BANF2: variants seen among roughly 807,000 people sequenced by gnomAD.
BANF2 encodes BANF family member 2.
BANF2 carries 4 observed loss-of-function variants against 8.0 expected under a neutral mutation model. That is an observed-to-expected ratio of 0.50 (90% CI 0.25 to 1.14). The LOEUF (loss-of-function observed/expected upper bound fraction) is 1.14. Among genes scored for constraint, BANF2 ranks in the 50% most tolerant of loss-of-function variants. BANF2 has a pLI of 0.16. For synonymous variants in BANF2, 50 were observed against 40.6 expected (o/e 1.23, Z -0.88); for missense variants, 96 against 107.5 (o/e 0.89, Z 0.47).
At chr20:17,724,885 G>C in intron 2 of BANF2, 138 bp from the exon 3 acceptor site, 1 of 883,766 alleles carries the variant, frequency 1.1e-6, no homozygotes, top group Non-Finnish European at 1.7e-6. Flanking sequence ...TAGACCCCGG[G>C]AAATGCTGGA....
intron 1 of BANF2, among the ~76,000 whole-genome samples, chr20:17,720,273 T>C (rs977841687): frequency 6.6e-6 from 1 of 152,252 alleles, no homozygotes; most frequent in African/African-American, 2.4e-5. Flanking sequence ...CTCAAAGAGA[T>C]ATTTGTGTAC....
intron 3 of BANF2, among the ~76,000 whole-genome samples, chr20:17,726,516 ATTC>A (rs1292220485): frequency 6.6e-6 from 1 of 152,178 alleles, no homozygotes; most frequent in Non-Finnish European, 1.5e-5. Flanking sequence ...AAAAGAAATC[ATTC>A]TTCTTTTTAC....
rs527652102 is a variant in BANF2, at chr20:17,714,440, T to C, written c.-166-8276T>C. ...GAAATAGTCCTGGCTAGAACCACTATCAGACAAGTATGTCCAGCCTAGATG... is the reference window on the plus strand; with the variant it reads ...GAAATAGTCCTGGCTAGAACCACTACCAGACAAGTATGTCCAGCCTAGATG... On this transcript the variant is annotated intron_variant, in intron 1 of 3. Transcript: ENST00000246090. Among the ~76,000 whole-genome samples the C allele has an allele frequency of 2.0e-5, 3 of 152,290 alleles. 1 individual carries two copies. In the East Asian group the frequency reaches 5.8e-4, roughly 29 times the overall value.
chr20:17,707,738 C>A (rs2037504319), intron 1 of BANF2, among the ~76,000 whole-genome samples: 1 of 151,902 alleles, frequency 6.6e-6, no homozygotes, highest in Non-Finnish European at 1.5e-5. Context: ...TGCCACCACA[C>A]CCGGCTAATT....
chr20:17,700,091 G>A (rs1262343011), intron 1 of BANF2, 36 bp downstream of exon 1: 1 of 838,736 alleles, frequency 1.2e-6, no homozygotes, highest in East Asian at 1.2e-4. Context: ...AGCATGGAAG[G>A]AGATACAGCC....
intron 1 of BANF2, among the ~76,000 whole-genome samples, chr20:17,713,487 T>G (rs2037606618): frequency 6.6e-6 from 1 of 152,140 alleles, no homozygotes; most frequent in African/African-American, 2.4e-5. Flanking sequence ...TTCTGAAGAT[T>G]GGCCCAACAA....
chr20:17,696,806 T>C (rs980817035), upstream of BANF2, among the ~76,000 whole-genome samples: 4 of 152,194 alleles, frequency 2.6e-5, no homozygotes, highest in Admixed American at 6.5e-5. Flanking sequence ...CAAGCCGCGA[T>C]TGGATCTTTT....
intron 3 of BANF2, among the ~76,000 whole-genome samples, chr20:17,725,837 C>T (rs2328215): frequency 1.3e-5 from 2 of 152,188 alleles, no homozygotes; most frequent in African/African-American, 2.4e-5. Context: ...AGCTGTTGCT[C>T]TTCATTCTCC....
chr20:17,712,426 C>G, intron 1 of BANF2: 8 of 636,076 alleles, frequency 1.3e-5, no homozygotes, highest in Non-Finnish European at 1.6e-5. Flanking sequence ...CATCTCCTGC[C>G]AAGTCCTGGA....
chr20:17,727,795 G>A (rs1030493860), intron 3 of BANF2, among the ~76,000 whole-genome samples: 2 of 152,120 alleles, frequency 1.3e-5, no homozygotes, highest in African/African-American at 4.8e-5. Context: ...CGCAGGCTGG[G>A]GTTCAGTGAC....
intron 1 of BANF2, among the ~76,000 whole-genome samples, chr20:17,702,610 T>A (rs745744909): frequency 4.6e-5 from 7 of 152,202 alleles, no homozygotes; most frequent in Non-Finnish European, 1.0e-4. Context: ...CGTGTGCAAC[T>A]GTTTGTGGAC....
Position 17,735,726 on chromosome 20 carries a change from G to A in BANF2, c.188G>A (p.Trp63Ter). Residue 63 changes from tryptophan to a stop codon, truncating the protein, a stop_gained, in exon 4 of 4, where the codon TGG (tryptophan) becomes TAG (stop). Coordinates refer to ENST00000246090, the MANE Select transcript of BANF2 (RefSeq NM_178477.5). LOFTEE classifies it high-confidence loss of function. ...MHKNEAEFQR[W>*]LICCFGATEC... ...AAGAATGAAGCCGAGTTTCAGAGGTGGCTCATTTGCTGTTTTGGTGCCACT... is the reference window on the plus strand; with the variant it reads ...AAGAATGAAGCCGAGTTTCAGAGGTAGCTCATTTGCTGTTTTGGTGCCACT... The A allele has an allele frequency of 6.2e-7, 1 of 1,613,778 alleles. No individual in the cohort carries two copies. Among genetic ancestry groups the A allele is most frequent in the Non-Finnish European group, 8.5e-7 (1 of 1,179,716 alleles).
chr20:17,730,140 A>C (rs964015467), intron 3 of BANF2, among the ~76,000 whole-genome samples: 3 of 152,250 alleles, frequency 2.0e-5, no homozygotes, highest in Non-Finnish European at 2.9e-5. Context: ...CATTTGCTTC[A>C]TGTCAAGCAC....
In BANF2 at chr20:17,733,717, T is replaced by A. The variant is rs186138819; in HGVS notation, c.127-1948T>A. 1.9e-3 allele frequency among the ~76,000 whole-genome samples: 292 copies of A among 152,310 alleles called. 4 individuals are homozygous for A. In the East Asian group the frequency reaches 0.034, roughly 18 times the overall value. On this transcript the variant is annotated intron_variant, in intron 3 of 3. Coordinates refer to ENST00000246090, the MANE Select transcript of BANF2 (RefSeq NM_178477.5). ...CGCCAAGTAACTATATTGCTTTTTTTAAAAAAGATTAAAGTAGCAGTTCAG... is the reference window on the plus strand; with the variant it reads ...CGCCAAGTAACTATATTGCTTTTTTAAAAAAAGATTAAAGTAGCAGTTCAG...
chr20:17,719,217 C>T (rs574129635), intron 1 of BANF2, among the ~76,000 whole-genome samples: 3 of 152,260 alleles, frequency 2.0e-5, no homozygotes, highest in Middle Eastern at 3.4e-3. Context: ...CTCCGCCTCC[C>T]GGGTTCAAGT....
chr20:17,703,740 CTTTTTTT>C (rs373982840), intron 1 of BANF2, among the ~76,000 whole-genome samples: 6 of 122,600 alleles, frequency 4.9e-5, no homozygotes, highest in East Asian at 2.2e-4. Context: ...AGTAGGCTGA[CTTTTTTT>C]TTTTTTTTTT....
chr20:17,700,609 C>T (rs566523409), intron 1 of BANF2, among the ~76,000 whole-genome samples: 13 of 152,252 alleles, frequency 8.5e-5, no homozygotes, highest in African/African-American at 2.9e-4. Flanking sequence ...CCTTTTGGGA[C>T]AGTAAGAGAG....
At chr20:17,730,250 G>A (rs114977827) in intron 3 of BANF2, among the ~76,000 whole-genome samples, 2 of 152,132 alleles carry the variant, frequency 1.3e-5, no homozygotes, top group African/African-American at 2.4e-5. Flanking sequence ...AAGTGGAGAC[G>A]CATAGAGACC....
At chr20:17,705,614 G>T (rs892417218) in intron 1 of BANF2, among the ~76,000 whole-genome samples, 1 of 152,224 alleles carries the variant, frequency 6.6e-6, no homozygotes, top group African/African-American at 2.4e-5. Flanking sequence ...GCCGTAAATA[G>T]GCTGGTGTAC....
Sources: allele counts gnomAD v4.1 joint callset (sites outside exome capture counted in the v4.1 genomes callset), GRCh38; gene constraint gnomAD v4.1.1; transcripts MANE v1.5; gene names NCBI Gene and HGNC (gene_info 2026-07-23, HGNC 2026-07-21).